Variants in DHRSX observed in about 807,000 individuals in gnomAD.
DHRSX encodes dehydrogenase/reductase X-linked, also known as polyprenol dehydrogenase.
In DHRSX, 31 loss-of-function variants were observed where a neutral mutation model predicts 34.0. The ratio of observed to expected loss-of-function variants is 0.91; its 90% CI spans 0.69 to 1.23. DHRSX has a LOEUF of 1.23. Among genes scored for constraint, DHRSX ranks in the 50% most tolerant of loss-of-function variants. The pLI, the probability that DHRSX is intolerant of heterozygous loss-of-function variation, is 0.00. For synonymous variants in DHRSX, 201 were observed against 183.8 expected (o/e 1.09, Z -0.76); for missense variants, 414 against 428.1 (o/e 0.97, Z 0.29).
chrX:2,354,833 T>TCCA (rs2042829365), intron 3 of DHRSX, among the ~76,000 whole-genome samples: 1 of 152,046 alleles, frequency 6.6e-6, no homozygotes. Context: ...GACACGTGTG[T>TCCA]CCATGTCTGA....
At chrX:2,372,700 C>T (rs1232630240) in intron 3 of DHRSX, among the ~76,000 whole-genome samples, 2 of 151,844 alleles carry the variant, frequency 1.3e-5, no homozygotes, top group Non-Finnish European at 2.9e-5. Flanking sequence ...CCTCCGCCTC[C>T]CGGGTTCAAG....
At chrX:2,261,876 G>C (rs1162638441) in intron 5 of DHRSX, 1 of 152,180 alleles carries the variant, frequency 6.6e-6, no homozygotes, top group South Asian at 2.1e-4. Context: ...AGTGCTGTAC[G>C]AGGAAGGGGT....
At chrX:2,444,315 C>G (rs772086250) in intron 1 of DHRSX, among the ~76,000 whole-genome samples, 1 of 152,316 alleles carries the variant, frequency 6.6e-6, no homozygotes, top group South Asian at 2.1e-4. Flanking sequence ...CACAGGCTTT[C>G]TCCTCTAAAC....
chrX:2,289,509 GT>G (rs1396848614), intron 4 of DHRSX, among the ~76,000 whole-genome samples: 1 of 152,172 alleles, frequency 6.6e-6, no homozygotes, highest in Non-Finnish European at 1.5e-5. Flanking sequence ...AGGATGGACA[GT>G]TCTGTTTTGT....
chrX:2,326,692 G>A (rs1229956905), intron 3 of DHRSX, among the ~76,000 whole-genome samples: 3 of 152,128 alleles, frequency 2.0e-5, no homozygotes, highest in Non-Finnish European at 4.4e-5. Context: ...TTCCTAGGGA[G>A]ACAGTAGCAT....
chrX:2,373,892 C>T (rs2043110058), intron 3 of DHRSX, among the ~76,000 whole-genome samples: 1 of 151,970 alleles, frequency 6.6e-6, no homozygotes, highest in Non-Finnish European at 1.5e-5. Flanking sequence ...ATAGGGCACA[C>T]AGGTGAGAGA....
chrX:2,370,027 A>G (rs2043038351), intron 3 of DHRSX, among the ~76,000 whole-genome samples: 1 of 152,086 alleles, frequency 6.6e-6, no homozygotes, highest in African/African-American at 2.4e-5. Context: ...CTGAGGATAG[A>G]TGCTTCCCAA....
chrX:2,315,947 C>T (rs958143183), intron 3 of DHRSX, among the ~76,000 whole-genome samples: 17 of 152,030 alleles, frequency 1.1e-4, no homozygotes, highest in African/African-American at 3.9e-4. Context: ...CTGCAACCTC[C>T]GCCTCCCAAG....
intron 6 of DHRSX, among the ~76,000 whole-genome samples, chrX:2,225,800 C>T (rs1436914545): frequency 2.0e-5 from 3 of 151,992 alleles, no homozygotes; most frequent in Admixed American, 1.3e-4. Context: ...CAGCCCTGCC[C>T]ACACCTTGAT....
chrX:2,298,601 T>C (rs745420930), intron 3 of DHRSX, among the ~76,000 whole-genome samples: 23,921 of 131,752 alleles, frequency 0.18, 2,688 homozygotes, highest in Non-Finnish European at 0.23. Flanking sequence ...GGCGCGTGTG[T>C]ACACACACAC....
intron 3 of DHRSX, among the ~76,000 whole-genome samples, chrX:2,353,634 A>AGT (rs1247425199): frequency 7.2e-6 from 1 of 139,752 alleles, no homozygotes; most frequent in African/African-American, 2.7e-5. Flanking sequence ...CCCAGGCTGG[A>AGT]GTGCAATGGC....
At chrX:2,474,150 T>G (rs1242270845) in intron 1 of DHRSX, among the ~76,000 whole-genome samples, 3 of 143,636 alleles carry the variant, frequency 2.1e-5, no homozygotes, top group Admixed American at 6.7e-5. Flanking sequence ...ACACAGACAC[T>G]CAGAAGAATG....
At chrX:2,446,630 A>G (rs1402558293) in intron 1 of DHRSX, among the ~76,000 whole-genome samples, 1 of 151,842 alleles carries the variant, frequency 6.6e-6, no homozygotes, top group Non-Finnish European at 1.5e-5. Flanking sequence ...AGCATGGGCT[A>G]AGGGACGGTA....
rs2044324783 is a variant in DHRSX at position 2,457,717 on chromosome X, T to G, written c.110-32413A>C. Among the ~76,000 whole-genome samples, 3 of 150,998 alleles carry G rather than the reference T, an allele frequency of 2.0e-5. No homozygotes were observed. In the South Asian group the frequency reaches 6.3e-4, roughly 32 times the overall value. On this transcript the variant is annotated intron_variant, in intron 1 of 6. Coordinates refer to ENST00000334651, the MANE Select transcript of DHRSX (RefSeq NM_145177.3). ...GCCGCCCTGTACACACTGAAGACGT[T>G]CCCTAAGAATGTGGCCAAGGGACTG...
chrX:2,500,449 C>T (rs1305150182), intron 1 of DHRSX: 1 of 162,294 alleles, frequency 6.2e-6, no homozygotes, highest in South Asian at 1.2e-4. Flanking sequence ...TGCGAGCCCC[C>T]GGGTCCCCGG....
At chrX:2,442,260 T>C (rs5939338) in intron 1 of DHRSX, among the ~76,000 whole-genome samples, 142,677 of 151,566 alleles carry the variant, frequency 0.94, 67,348 homozygotes, top group East Asian at 1. Context: ...ATCGTCTCCA[T>C]GCTGAAGAAG....
chrX:2,318,120 G>T (rs974191985), intron 3 of DHRSX, among the ~76,000 whole-genome samples: 4 of 151,202 alleles, frequency 2.6e-5, no homozygotes, highest in Admixed American at 2.0e-4. Flanking sequence ...TGAGGCAGGA[G>T]GATTGCTTGA....
chrX:2,489,846 C>A, intron 1 of DHRSX: 1 of 1,613,728 alleles, frequency 6.2e-7, no homozygotes, highest in Non-Finnish European at 8.5e-7. Flanking sequence ...AAGGTGTGGC[C>A]CAGGCAGGGC....
chrX:2,365,114 A>G (rs190953598), intron 3 of DHRSX, among the ~76,000 whole-genome samples: 2 of 152,336 alleles, frequency 1.3e-5, no homozygotes, highest in East Asian at 1.9e-4. Context: ...TCATTAAACT[A>G]AAGAGCTTCT....
Sources: gnomAD v4.1 joint callset for allele counts (sites outside exome capture counted in the v4.1 genomes callset) on GRCh38, gnomAD v4.1.1 for gene constraint, MANE v1.5 for transcripts, NCBI Gene and HGNC (gene_info 2026-07-23, HGNC 2026-07-21) for gene names.